PRSS3: variants seen among roughly 807,000 people sequenced by gnomAD.
PRSS3 encodes serine protease 3, also known as trypsin-3.
A neutral mutation model predicts 20.8 loss-of-function variants in PRSS3; 14 were observed. The ratio of observed to expected loss-of-function variants is 0.67; its 90% CI spans 0.44 to 1.05. The LOEUF (loss-of-function observed/expected upper bound fraction) is 1.05. Among genes scored for constraint, PRSS3 ranks in the 50% least tolerant of loss-of-function variants. The pLI is 0.00. For missense variants in PRSS3, 237 were observed against 306.4 expected (o/e 0.77, Z 1.69); for synonymous variants, 91 against 117.6 (o/e 0.77, Z 1.46).
chr9:33,756,688 T>C (rs1822966766), intron 1 of PRSS3, among the ~76,000 whole-genome samples: 1 of 152,238 alleles, frequency 6.6e-6, no homozygotes. Flanking sequence ...GGAGCTTTTA[T>C]TGGCGAGAGG....
At chr9:33,768,227 C>T (rs1365811193) in intron 1 of PRSS3, among the ~76,000 whole-genome samples, 1 of 152,184 alleles carries the variant, frequency 6.6e-6, no homozygotes, top group Non-Finnish European at 1.5e-5. Context: ...CGCCTGTAAT[C>T]CCAGCACTTT....
At chr9:33,781,937 A>G (rs1162202675) in intron 1 of PRSS3, among the ~76,000 whole-genome samples, 4 of 152,284 alleles carry the variant, frequency 2.6e-5, no homozygotes, top group South Asian at 2.1e-4. Context: ...TTCACAGCCA[A>G]TGCATTGCAG....
intron 1 of PRSS3, among the ~76,000 whole-genome samples, chr9:33,755,314 A>T (rs1179788013): frequency 6.6e-6 from 1 of 152,144 alleles, no homozygotes; most frequent in Non-Finnish European, 1.5e-5. Flanking sequence ...GAAGTCGTTC[A>T]TTGTAGAAGG....
At chr9:33,780,646 C>G (rs1669939180) in intron 1 of PRSS3, among the ~76,000 whole-genome samples, 1 of 152,166 alleles carries the variant, frequency 6.6e-6, no homozygotes, top group Non-Finnish European at 1.5e-5. Context: ...CCATCACTGC[C>G]TTCAAGAGAC....
At chr9:33,771,693 T>C (rs1823712278) in intron 1 of PRSS3, among the ~76,000 whole-genome samples, 1 of 142,642 alleles carries the variant, frequency 7.0e-6, no homozygotes, top group Admixed American at 7.5e-5. Context: ...CAGGCTGGAG[T>C]GCAGTGACAT....
chr9:33,761,904 A>T lies in PRSS3; in HGVS notation c.-53+11177A>T, dbSNP rs138230489. 3.1e-3 allele frequency among the ~76,000 whole-genome samples: 473 copies of T among 152,190 alleles called. 6 individuals carry two copies. Among genetic ancestry groups the T allele is most frequent in the African/African-American group, 0.01 (431 of 41,514 alleles). On this transcript the variant is annotated intron_variant, in intron 1 of 5. Coordinates refer to the PRSS3 transcript ENST00000342836. The stretch of plus-strand genomic sequence containing the variant: ...AAAAAAAAGAAGAAAAAAAGGTATT[A>T]TAATCTTATGGGGCCACCATCATAC...
intron 1 of PRSS3, among the ~76,000 whole-genome samples, chr9:33,773,827 CAG>C (rs146101902): frequency 0.12 from 17,676 of 152,050 alleles, 1,395 homozygotes; most frequent in African/African-American, 0.22. Flanking sequence ...TTAGTAGAGA[CAG>C]GGGTCTCACT....
Position 33,750,871 on chromosome 9 carries a change from G to A in PRSS3, c.-53+144G>A, listed in dbSNP as rs1451649094. The A allele has an allele frequency of 2.3e-5, 31 of 1,376,958 alleles. No homozygotes were observed. The South Asian group carries it at 5.2e-4, about 23-fold the overall frequency. 85.3% of individuals were successfully genotyped at this position (1,376,958 alleles called of 1,614,324 possible). A position where few individuals can be genotyped will look rare whatever the true frequency, so the allele number is the denominator to read the frequency against. On this transcript the variant is annotated intron_variant, in intron 1 of 5. Transcript: ENST00000342836. The surrounding 1 kb of genome is among the most constrained non-coding windows in gnomAD (Gnocchi z 4.8). ...GGGGAGGGTACGCGGACAGGGAGGG[G>A]ATACCGACTGGGAGGGGCTCAGGGA...
At chr9:33,769,475 C>G (rs855466) in intron 1 of PRSS3, among the ~76,000 whole-genome samples, 147,409 of 152,276 alleles carry the variant, frequency 0.97, 71,439 homozygotes, top group Non-Finnish European at 1. Context: ...CAAGGTTTTT[C>G]AGAATTTATA....
intron 1 of PRSS3, among the ~76,000 whole-genome samples, chr9:33,780,525 A>G (rs1353941002): frequency 6.6e-6 from 1 of 152,182 alleles, no homozygotes; most frequent in Non-Finnish European, 1.5e-5. Flanking sequence ...AGCTAACAAC[A>G]TGGGTATGAA....
chr9:33,758,865 C>T (rs777197445), intron 1 of PRSS3, among the ~76,000 whole-genome samples: 36 of 152,324 alleles, frequency 2.4e-4, no homozygotes, highest in Admixed American at 5.9e-4. Context: ...TATTATATAT[C>T]AAGCTTGTGC....
chr9:33,766,788 A>G (rs1213225318), intron 1 of PRSS3, among the ~76,000 whole-genome samples: 1 of 152,136 alleles, frequency 6.6e-6, no homozygotes, highest in Non-Finnish European at 1.5e-5. Flanking sequence ...GGGAATGACT[A>G]TCAATGTGTA....
chr9:33,775,332 CAG>C (rs1388170943), intron 1 of PRSS3, among the ~76,000 whole-genome samples: 2 of 152,158 alleles, frequency 1.3e-5, no homozygotes, highest in African/African-American at 4.8e-5. Context: ...GCCATACAAA[CAG>C]ATTCAATTCA....
chr9:33,787,781 C>G (rs1824472515), intron 1 of PRSS3, among the ~76,000 whole-genome samples: 1 of 152,156 alleles, frequency 6.6e-6, no homozygotes, highest in South Asian at 2.1e-4. Context: ...TCACTGTGCC[C>G]TGATTTGCAC....
chr9:33,763,782 C>T (rs1399024424), intron 1 of PRSS3, among the ~76,000 whole-genome samples: 3 of 151,460 alleles, frequency 2.0e-5, no homozygotes, highest in Admixed American at 1.3e-4. Flanking sequence ...ACCATATGGA[C>T]GATTGGCTGC....
rs113212361 is a variant in PRSS3, at chr9:33,795,632, C to T, written c.40+19C>T. On this transcript the variant is annotated intron_variant, in intron 1 of 4. Coordinates refer to ENST00000379405, the MANE Select transcript of PRSS3 (RefSeq NM_002771.4). ...GCTGCTGGCGAGTTTCATGACCTGC[C>T]TCAGGCCCCACCCACCCCCTTTCCT... 69 of 1,613,842 alleles carry T rather than the reference C, an allele frequency of 4.3e-5. No individual in the cohort carries two copies. In the African/African-American group the frequency reaches 8.0e-4, roughly 19 times the overall value.
At chr9:33,782,601 T>C (rs1824232012) in intron 1 of PRSS3, among the ~76,000 whole-genome samples, 1 of 152,070 alleles carries the variant, frequency 6.6e-6, no homozygotes, top group Admixed American at 6.6e-5. Context: ...AAACCCACAA[T>C]AATCAAAGGA....
chr9:33,798,802 A>C, intron 4 of PRSS3, 180 bp downstream of exon 4: 1 of 1,161,352 alleles, frequency 8.6e-7, no homozygotes, highest in Non-Finnish European at 1.2e-6. Context: ...GAAACGAGGA[A>C]GGTGGCGGGG....
chr9:33,755,434 C>T (rs1437300492), intron 1 of PRSS3, among the ~76,000 whole-genome samples: 1 of 152,000 alleles, frequency 6.6e-6, no homozygotes. Flanking sequence ...AAATACGGGC[C>T]ATTTCTTCTT....
Sources: allele counts gnomAD v4.1 joint callset (sites outside exome capture counted in the v4.1 genomes callset), GRCh38; gene constraint gnomAD v4.1.1; non-coding constraint Gnocchi (gnomAD v3.1); transcripts MANE v1.5; gene names NCBI Gene and HGNC (gene_info 2026-07-23, HGNC 2026-07-21).